Variants in NDE1 observed in about 807,000 individuals in gnomAD.
The protein encoded by NDE1 is nudE neurodevelopment protein 1, also known as nuclear distribution protein nudE homolog 1.
A neutral mutation model predicts 43.4 loss-of-function variants in NDE1; 28 were observed. The ratio of observed to expected loss-of-function variants is 0.65; its 90% CI spans 0.48 to 0.89. The LOEUF is 0.89. Among genes scored for constraint, NDE1 ranks in the 40% least tolerant of loss-of-function variants. NDE1 has a pLI of 0.00. For synonymous variants in NDE1, 184 were observed against 172.0 expected (o/e 1.07, Z -0.55); for missense variants, 441 against 434.1 (o/e 1.02, Z -0.14).
intron 4 of NDE1, among the ~76,000 whole-genome samples, chr16:15,679,013 C>T (rs895344709): frequency 6.6e-6 from 1 of 151,900 alleles, no homozygotes; most frequent in South Asian, 2.1e-4. Context: ...AAGGGCGGAG[C>T]GTGTAGTGAG....
chr16:15,718,085 CGCCGTGGCT>C, intron 8 of NDE1: 1 of 658,932 alleles, frequency 1.5e-6, no homozygotes, highest in Non-Finnish European at 2.5e-6. Context: ...GAGCCAGCCA[CGCCGTGGCT>C]GGAAAATGAG....
At chr16:15,677,607 G>A (rs867253197) in intron 3 of NDE1, among the ~76,000 whole-genome samples, 194 bp from the exon 4 acceptor site, 1 of 151,242 alleles carries the variant, frequency 6.6e-6, no homozygotes, top group South Asian at 2.1e-4. Context: ...AAAAAAACAC[G>A]GAGTCTTGCT....
At chr16:15,652,431 T>C (rs560261838) in intron 1 of NDE1, among the ~76,000 whole-genome samples, 6 of 152,338 alleles carry the variant, frequency 3.9e-5, no homozygotes, top group Admixed American at 3.3e-4. Flanking sequence ...AGCATTCCTG[T>C]GTACAGAAAG....
At chr16:15,688,847 A>G (rs1303974405) in intron 5 of NDE1, among the ~76,000 whole-genome samples, 1 of 151,238 alleles carries the variant, frequency 6.6e-6, no homozygotes, top group African/African-American at 2.4e-5. Flanking sequence ...GCAGGTGTGC[A>G]CCACCATGCC....
rs1333238405 is a variant in NDE1 at position 15,667,282 on chromosome 16, G to T, written c.84-4G>T. The T allele has an allele frequency of 1.9e-6, 3 of 1,614,020 alleles. No homozygotes were observed. The highest frequency in any genetic ancestry group is 1.6e-4 in the Middle Eastern group (1 of 6,084). On this transcript the variant is annotated splice_polypyrimidine_tract_variant and splice_region_variant and intron_variant, in intron 2 of 8. Coordinates refer to ENST00000396354, the MANE Select transcript of NDE1 (RefSeq NM_017668.3). ...CTACGTGATGATTAACAATTTTGCT[G>T]TAGGGCAGAAAATACGCAAGAGGAA...
chr16:15,666,031 C>T (rs972557824), intron 2 of NDE1, among the ~76,000 whole-genome samples: 5 of 152,160 alleles, frequency 3.3e-5, no homozygotes, highest in Admixed American at 1.3e-4. Context: ...GCTGGGATTA[C>T]AGGCGTGAGC....
intron 4 of NDE1, 30 bp from the exon 5 acceptor site, chr16:15,687,345 C>G (rs202172982): frequency 6.2e-7 from 1 of 1,613,940 alleles, no homozygotes; most frequent in Non-Finnish European, 8.5e-7. Context: ...GGTTTGTCCT[C>G]TTGGATAACT....
At chr16:15,688,157 CAG>C (rs1298366077) in intron 5 of NDE1, among the ~76,000 whole-genome samples, 2 of 152,168 alleles carry the variant, frequency 1.3e-5, no homozygotes, top group Non-Finnish European at 2.9e-5. Context: ...GCCTGGGTGA[CAG>C]AGTGAGACCC....
chr16:15,653,435 A>G (rs1486758219), intron 1 of NDE1, among the ~76,000 whole-genome samples: 2 of 152,146 alleles, frequency 1.3e-5, no homozygotes, highest in Non-Finnish European at 2.9e-5. Flanking sequence ...CTGTCGGAGC[A>G]TGTGTGGACA....
At chr16:15,655,566 T>C (rs2151404605) in intron 1 of NDE1, among the ~76,000 whole-genome samples, 1 of 152,300 alleles carries the variant, frequency 6.6e-6, no homozygotes, top group East Asian at 1.9e-4. Flanking sequence ...TAGAAGTCAG[T>C]GTGGTGATTC....
At chr16:15,667,711 A>AACCTCCAC (rs1319651293) in intron 3 of NDE1, among the ~76,000 whole-genome samples, 4 of 143,708 alleles carry the variant, frequency 2.8e-5, no homozygotes, top group African/African-American at 1.0e-4. Context: ...GGCTCACTGC[A>AACCTCCAC]ACCTCCACCT....
At chr16:15,721,645 A>G in intron 8 of NDE1, 11 of 1,614,114 alleles carry the variant, frequency 6.8e-6, no homozygotes, top group Non-Finnish European at 9.3e-6. Flanking sequence ...CTACAACACA[A>G]GACCCAGAGG....
In NDE1 at chr16:15,696,849, G is replaced by T. The variant is rs770500716; in HGVS notation, c.936G>T (p.Leu312Phe). ...ERRPSSTSVP[L>F]GDKGLDTSCR... ...GGCCAAGCAGCACCAGCGTGCCTTT[G>T]GGTGATAAGGGGTCAGTACCTTCTA... The change falls in exon 8 of 9, where the codon TTG becomes TTT. Residue 312 changes from leucine to phenylalanine, a missense_variant. Transcript: ENST00000396354. 2 of 1,614,112 alleles carry T rather than the reference G, an allele frequency of 1.2e-6. No individual in the cohort carries two copies. Among genetic ancestry groups the T allele is most frequent in the South Asian group, 1.1e-5 (1 of 91,074 alleles).
chr16:15,648,059 AAT>A (rs1382263370), upstream of NDE1, among the ~76,000 whole-genome samples: 2 of 151,470 alleles, frequency 1.3e-5, no homozygotes, highest in African/African-American at 4.9e-5. Context: ...GCTGGATAAT[AAT>A]ATATATATTT....
intron 3 of NDE1, among the ~76,000 whole-genome samples, chr16:15,674,676 T>C (rs1356309439): frequency 6.6e-6 from 1 of 152,156 alleles, no homozygotes; most frequent in Non-Finnish European, 1.5e-5. Context: ...TCTCCCATTG[T>C]TGTGGGCACA....
chr16:15,714,742 T>G (rs189512774), intron 8 of NDE1: 5 of 878,574 alleles, frequency 5.7e-6, no homozygotes, highest in Non-Finnish European at 9.0e-6. Flanking sequence ...CTGATCTCAG[T>G]GCCTGGCCCA....
intron 4 of NDE1, among the ~76,000 whole-genome samples, chr16:15,679,199 T>G (rs2038047459): frequency 6.6e-6 from 1 of 152,086 alleles, no homozygotes; most frequent in African/African-American, 2.4e-5. Flanking sequence ...GGTGCCACCA[T>G]AGTGCATTGC....
chr16:15,705,867 G>C (rs892148280), intron 8 of NDE1, among the ~76,000 whole-genome samples: 1 of 151,650 alleles, frequency 6.6e-6, no homozygotes, highest in Admixed American at 6.6e-5. Flanking sequence ...TGTAGTCCCA[G>C]CTACTCGGGA....
Position 15,724,286 on chromosome 16 carries a change from C to T in NDE1, c.*35C>T, listed in dbSNP as rs112467954. On this transcript the variant is annotated 3_prime_UTR_variant, in exon 9 of 9. Coordinates refer to ENST00000396354, the MANE Select transcript of NDE1 (RefSeq NM_017668.3). ...TTGGTCTTTTCCAGTTTATCATAAGCGGCCGCCTTCTCCTCGTACTGCTGG... is the reference window on the plus strand; with the variant it reads ...TTGGTCTTTTCCAGTTTATCATAAGTGGCCGCCTTCTCCTCGTACTGCTGG... 9.7e-4 allele frequency: 1,566 copies of T among 1,614,200 alleles called. 3 individuals carry two copies. Among genetic ancestry groups the T allele is most frequent in the Non-Finnish European group, 1.2e-3 (1,445 of 1,180,030 alleles).
Sources: allele counts gnomAD v4.1 joint callset (sites outside exome capture counted in the v4.1 genomes callset), GRCh38; gene constraint gnomAD v4.1.1; transcripts MANE v1.5; gene names NCBI Gene and HGNC (gene_info 2026-07-23, HGNC 2026-07-21).